ANKS1B: variants seen among roughly 807,000 people sequenced by gnomAD.
The protein encoded by ANKS1B is ankyrin repeat and sterile alpha motif domain containing 1B.
ANKS1B carries 36 observed loss-of-function variants against 148.3 expected under a neutral mutation model. The ratio of observed to expected loss-of-function variants is 0.24; its 90% CI spans 0.19 to 0.32. ANKS1B has a LOEUF of 0.32. Ranked by LOEUF, ANKS1B falls within the 10% of genes least tolerant of loss-of-function variation. The probability of loss-of-function intolerance (pLI) is 1.00; values close to 1 mark genes in which losing one functional copy is unlikely to be tolerated. For missense variants in ANKS1B, 1,157 were observed against 1,542.6 expected (o/e 0.75, Z 4.19); for synonymous variants, 542 against 560.8 (o/e 0.97, Z 0.47).
At chr12:99,106,816 T>C (rs879255984) in intron 15 of ANKS1B, among the ~76,000 whole-genome samples, 5 of 152,258 alleles carry the variant, frequency 3.3e-5, no homozygotes, top group Admixed American at 3.3e-4. Flanking sequence ...AAAATTTGGT[T>C]ACGAATTGAT....
At position 99,906,506 on chromosome 12, in the gene ANKS1B, C is replaced by T. The variant is rs547462222; in HGVS notation, c.134+77598G>A. On this transcript the variant is annotated intron_variant, in intron 1 of 26. Transcript: ENST00000683438. Reference sequence around the variant, plus strand: ...CTAATATAACTCATTCTCCGCTGAACGGAATTTGGTTGATTGACTGATTTG... The same window carrying T: ...CTAATATAACTCATTCTCCGCTGAATGGAATTTGGTTGATTGACTGATTTG... Among the ~76,000 whole-genome samples, 16 of 152,190 alleles carry T rather than the reference C, an allele frequency of 1.1e-4. No individual in the cohort carries two copies. The South Asian group carries it at 1.5e-3, about 14-fold the overall frequency.
chr12:98,747,341 G>A (rs2097917555), intron 26 of ANKS1B, among the ~76,000 whole-genome samples: 1 of 152,170 alleles, frequency 6.6e-6, no homozygotes, highest in Admixed American at 6.5e-5. Context: ...AACAGGTATA[G>A]GTAAAAATGC....
intron 10 of ANKS1B, among the ~76,000 whole-genome samples, chr12:99,484,363 T>G (rs1171011920): frequency 6.6e-6 from 1 of 151,804 alleles, no homozygotes; most frequent in Non-Finnish European, 1.5e-5. Flanking sequence ...GAGAAGACAC[T>G]TATGATTTCG....
chr12:99,485,522 T>C, intron 10 of ANKS1B, among the ~76,000 whole-genome samples: 1 of 152,174 alleles, frequency 6.6e-6, no homozygotes, highest in East Asian at 1.9e-4. Context: ...TTATTTGAGC[T>C]TCTTGAATTT....
At chr12:99,097,189 AG>A (rs1372038343) in intron 15 of ANKS1B, 3 of 152,230 alleles carry the variant, frequency 2.0e-5, no homozygotes, top group Non-Finnish European at 4.4e-5. Context: ...GTAAGTTTAT[AG>A]GAAAAGCACT....
At chr12:99,591,778 G>A (rs2097705357) in intron 9 of ANKS1B, among the ~76,000 whole-genome samples, 1 of 152,232 alleles carries the variant, frequency 6.6e-6, no homozygotes, top group South Asian at 2.1e-4. Flanking sequence ...CGAGAAAGAG[G>A]AACAGTGTGG....
At chr12:99,926,769 G>A (rs1254947095) in intron 1 of ANKS1B, among the ~76,000 whole-genome samples, 2 of 152,156 alleles carry the variant, frequency 1.3e-5, no homozygotes, top group African/African-American at 4.8e-5. Flanking sequence ...TCCTGCTAAA[G>A]CATCCCGCCT....
At chr12:99,318,266 T>C (rs550360484) in intron 12 of ANKS1B, among the ~76,000 whole-genome samples, 57 of 152,238 alleles carry the variant, frequency 3.7e-4, no homozygotes, top group Non-Finnish European at 7.3e-4. Flanking sequence ...GTATCTCTGG[T>C]AGAATTCAGC....
At chr12:99,242,382 T>C (rs979919535) in intron 14 of ANKS1B, among the ~76,000 whole-genome samples, 2 of 152,126 alleles carry the variant, frequency 1.3e-5, no homozygotes, top group South Asian at 4.1e-4. Context: ...CACTGCTCAA[T>C]GAAATAAAAG....
At chr12:98,967,878 CG>C (rs1333964194) in intron 17 of ANKS1B, among the ~76,000 whole-genome samples, 1 of 151,938 alleles carries the variant, frequency 6.6e-6, no homozygotes, top group Non-Finnish European at 1.5e-5. Context: ...TCAGCTGACC[CG>C]GGGAGTACTG....
chr12:98,803,486 C>T (rs1382802113), intron 20 of ANKS1B, among the ~76,000 whole-genome samples: 5 of 152,152 alleles, frequency 3.3e-5, no homozygotes, highest in East Asian at 1.9e-4. Flanking sequence ...CATGCAACTC[C>T]GTGGAATGAT....
chr12:99,700,515 AT>A (rs1448576383), intron 8 of ANKS1B, among the ~76,000 whole-genome samples: 3 of 152,086 alleles, frequency 2.0e-5, no homozygotes, highest in East Asian at 1.9e-4. Context: ...GCGAGCACGA[AT>A]TTTTTTTCCT....
chr12:99,262,863 G>A (rs1276718323), intron 12 of ANKS1B, among the ~76,000 whole-genome samples: 1 of 151,940 alleles, frequency 6.6e-6, no homozygotes, highest in Non-Finnish European at 1.5e-5. Context: ...GTGACTAGGG[G>A]AATGTGTGTG....
intron 17 of ANKS1B, among the ~76,000 whole-genome samples, chr12:98,881,729 A>C (rs1279725427): frequency 6.6e-6 from 1 of 152,128 alleles, no homozygotes; most frequent in African/African-American, 2.4e-5. Context: ...TCTACCACAA[A>C]AATGCCATAT....
chr12:99,439,776 C>T (rs910021138), intron 11 of ANKS1B, among the ~76,000 whole-genome samples: 4 of 151,624 alleles, frequency 2.6e-5, no homozygotes, highest in African/African-American at 9.7e-5. Context: ...CCCTGTGATC[C>T]AACAATGCCA....
At chr12:98,993,233 T>G (rs1240358235) in intron 17 of ANKS1B, among the ~76,000 whole-genome samples, 4 of 152,210 alleles carry the variant, frequency 2.6e-5, no homozygotes, top group Non-Finnish European at 5.9e-5. Context: ...AGTGGCATGA[T>G]CTCAGCTCAC....
chr12:99,898,873 T>C (rs1565954447), intron 1 of ANKS1B, among the ~76,000 whole-genome samples: 1 of 152,182 alleles, frequency 6.6e-6, no homozygotes, highest in Non-Finnish European at 1.5e-5. Flanking sequence ...CAACAACATT[T>C]CACATTTATT....
chr12:98,914,717 A>AC (rs1290378474), intron 17 of ANKS1B, among the ~76,000 whole-genome samples: 1 of 151,406 alleles, frequency 6.6e-6, no homozygotes, highest in Non-Finnish European at 1.5e-5. Flanking sequence ...TGCCTGGAAT[A>AC]CCCCCACCCT....
intron 8 of ANKS1B, among the ~76,000 whole-genome samples, chr12:99,726,456 G>A (rs1300041699): frequency 2.0e-5 from 3 of 152,124 alleles, no homozygotes; most frequent in Admixed American, 2.0e-4. Flanking sequence ...TCCATAAATA[G>A]ACCAATAACA....
Sources: gnomAD v4.1 joint callset for allele counts (sites outside exome capture counted in the v4.1 genomes callset) on GRCh38, gnomAD v4.1.1 for gene constraint, MANE v1.5 for transcripts, NCBI Gene and HGNC (gene_info 2026-07-23, HGNC 2026-07-21) for gene names.